CHL1: variants seen among roughly 807,000 people sequenced by gnomAD.
The protein encoded by CHL1 is neural cell adhesion molecule L1-like protein.
CHL1 carries 96 observed loss-of-function variants against 141.9 expected under a neutral mutation model. The observed-to-expected ratio is 0.68, with a 90% CI of 0.57 to 0.80. The LOEUF (loss-of-function observed/expected upper bound fraction) is 0.80. CHL1 is among the 30% of genes least tolerant of loss of function. CHL1 has a pLI of 0.00. For synonymous variants in CHL1, 613 were observed against 502.2 expected (o/e 1.22, Z -2.95); for missense variants, 1,820 against 1,457.2 (o/e 1.25, Z -4.05).
At chr3:247,291 A>T (rs1361477674) in intron 2 of CHL1, 1 of 152,080 alleles carries the variant, frequency 6.6e-6, no homozygotes, top group Non-Finnish European at 1.5e-5. Context: ...TGTTCTCAGG[A>T]CAATGAGCTG....
chr3:254,669 A>G (rs947782002), intron 2 of CHL1, among the ~76,000 whole-genome samples: 1 of 152,142 alleles, frequency 6.6e-6, no homozygotes, highest in African/African-American at 2.4e-5. Flanking sequence ...GGAGGTTGGA[A>G]AGTCCAAGAT....
chr3:386,336 C>G (rs1244929726), intron 19 of CHL1, among the ~76,000 whole-genome samples: 1 of 151,916 alleles, frequency 6.6e-6, no homozygotes, highest in African/African-American at 2.4e-5. Context: ...AAACATGATT[C>G]AATTTAAAGT....
chr3:199,466 C>T (rs1698725363), intron 1 of CHL1, among the ~76,000 whole-genome samples: 1 of 152,204 alleles, frequency 6.6e-6, no homozygotes, highest in African/African-American at 2.4e-5. Flanking sequence ...ATAGGTCCTC[C>T]AACCTATCTG....
At chr3:323,666 C>T (rs1037343705) in intron 3 of CHL1, among the ~76,000 whole-genome samples, 1 of 152,058 alleles carries the variant, frequency 6.6e-6, no homozygotes, top group Admixed American at 6.6e-5. Context: ...AACAAATCAA[C>T]CCTATTTCAA....
At chr3:239,043 C>G (rs1320715835) in intron 1 of CHL1, among the ~76,000 whole-genome samples, 1 of 152,006 alleles carries the variant, frequency 6.6e-6, no homozygotes, top group Non-Finnish European at 1.5e-5. Flanking sequence ...GGTTCATATG[C>G]TACCACGTGG....
chr3:365,964 A>G lies in CHL1; in HGVS notation c.1600A>G (p.Arg534Gly). 6.2e-7 allele frequency: 1 copy of G among 1,613,088 alleles called. No homozygotes were observed. Among genetic ancestry groups the G allele is most frequent in the Non-Finnish European group, 8.5e-7 (1 of 1,179,332 alleles). Residue 534 changes from arginine to glycine, a missense_variant, in exon 15 of 28, where the codon AGA becomes GGA. Transcript: ENST00000256509. ...NLDIRNATKL[R>G]VSPKNPRIPK... ...GGTAAAAACAGATGCTACAAAACTT[A>G]GAGTTTCTCCTAAGAATCCTCGTAT...
intron 1 of CHL1, among the ~76,000 whole-genome samples, chr3:222,508 C>T (rs867972656): frequency 2.0e-5 from 3 of 152,080 alleles, no homozygotes; most frequent in Admixed American, 6.6e-5. Flanking sequence ...TTCAGAAGAG[C>T]GGGGGTAGAT....
chr3:356,213 C>A (rs573978840), intron 11 of CHL1, among the ~76,000 whole-genome samples: 22 of 152,218 alleles, frequency 1.4e-4, no homozygotes, highest in African/African-American at 5.3e-4. Context: ...GAAATGAAAG[C>A]AACTTTTGTT....
rs563126451 is a variant in CHL1 at position 365,401 on chromosome 3, G to A, written c.1586-549G>A. ...TTAACACTATGTATTGAATGCCTACGGTGTACAGGCTCCCTTCTAGGCTCT... is the reference window on the plus strand; with the variant it reads ...TTAACACTATGTATTGAATGCCTACAGTGTACAGGCTCCCTTCTAGGCTCT... On this transcript the variant is annotated intron_variant, in intron 14 of 27. Coordinates refer to ENST00000256509, the MANE Select transcript of CHL1 (RefSeq NM_006614.4). Among the ~76,000 whole-genome samples, 7 of 152,154 alleles carry A rather than the reference G, an allele frequency of 4.6e-5. No homozygotes were observed. In the South Asian group the frequency reaches 6.2e-4, roughly 14 times the overall value.
At chr3:285,611 C>T (rs546642835) in intron 2 of CHL1, among the ~76,000 whole-genome samples, 15 of 152,156 alleles carry the variant, frequency 9.9e-5, no homozygotes, top group Non-Finnish European at 1.8e-4. Flanking sequence ...AGGCAAACTA[C>T]GTAGACTCTA....
chr3:397,145 T>G (rs1432700184), intron 24 of CHL1, among the ~76,000 whole-genome samples: 1 of 152,158 alleles, frequency 6.6e-6, no homozygotes, highest in Admixed American at 6.5e-5. Context: ...GCGGTTTGAA[T>G]AAATCACTTG....
chr3:377,742 G>A, intron 15 of CHL1, 76 bp from the exon 16 acceptor site: 2 of 1,272,204 alleles, frequency 1.6e-6, no homozygotes, highest in South Asian at 1.5e-5. Context: ...TAAGGAATAT[G>A]CATTTTTAAA....
At chr3:242,341 A>T (rs71306195) in intron 1 of CHL1, among the ~76,000 whole-genome samples, 13 of 149,318 alleles carry the variant, frequency 8.7e-5, no homozygotes, top group South Asian at 6.5e-4. Context: ...TCACGCCTGT[A>T]ATCCCAGCAC....
At chr3:351,187 C>T (rs1027636831) in intron 10 of CHL1, among the ~76,000 whole-genome samples, 7 of 152,090 alleles carry the variant, frequency 4.6e-5, no homozygotes, top group Admixed American at 2.0e-4. Flanking sequence ...TTGCAAAAAA[C>T]GAAATCAAAG....
intron 10 of CHL1, among the ~76,000 whole-genome samples, chr3:352,541 A>G (rs1368713594): frequency 6.6e-6 from 1 of 152,120 alleles, no homozygotes; most frequent in African/African-American, 2.4e-5. Flanking sequence ...CTGTTACCAT[A>G]TGTCTTAGGA....
In CHL1 at chr3:250,315, A is replaced by AC. The variant is rs375163262; in HGVS notation, c.-95+5623_-95+5624insC. ...AGGATGTCATAGTAAAGAAGTGAAA[A>AC]TCAAAAAAGCAATTAGACCAGGTTT... is the stretch of plus-strand genomic sequence containing the variant. On this transcript the variant is annotated intron_variant, in intron 2 of 27. Coordinates refer to ENST00000256509, the MANE Select transcript of CHL1 (RefSeq NM_006614.4). Among the ~76,000 whole-genome samples the AC allele has an allele frequency of 5.7e-3, 870 of 152,240 alleles. 9 individuals are homozygous for AC. Among genetic ancestry groups the AC allele is most frequent in the African/African-American group, 0.02 (831 of 41,554 alleles).
chr3:293,202 A>G (rs1407117302), intron 2 of CHL1, among the ~76,000 whole-genome samples: 2 of 152,166 alleles, frequency 1.3e-5, no homozygotes, highest in Admixed American at 6.5e-5. Context: ...TGAGGAATAA[A>G]CTACAAAAAA....
chr3:331,698 G>T (rs552407719), intron 5 of CHL1, among the ~76,000 whole-genome samples: 1 of 152,052 alleles, frequency 6.6e-6, no homozygotes, highest in Non-Finnish European at 1.5e-5. Context: ...TATTGATAAT[G>T]CATATAACTA....
chr3:271,943 A>C (rs1412450375), intron 2 of CHL1, among the ~76,000 whole-genome samples: 1 of 152,234 alleles, frequency 6.6e-6, no homozygotes, highest in Non-Finnish European at 1.5e-5. Flanking sequence ...ATCTCTAGCT[A>C]TTAAAAATCA....
Sources: gnomAD v4.1 joint callset for allele counts (sites outside exome capture counted in the v4.1 genomes callset) on GRCh38, gnomAD v4.1.1 for gene constraint, MANE v1.5 for transcripts, NCBI Gene and HGNC (gene_info 2026-07-23, HGNC 2026-07-21) for gene names.